Variants in FBXL7 observed in about 807,000 individuals in gnomAD.
FBXL7 encodes F-box/LRR-repeat protein 7.
In FBXL7, 12 loss-of-function variants were observed where a neutral mutation model predicts 38.3. That is an observed-to-expected ratio of 0.31 (90% CI 0.20 to 0.51). FBXL7 has a LOEUF of 0.51. FBXL7 is among the 20% of genes least tolerant of loss of function. The probability of loss-of-function intolerance (pLI) is 0.98; values close to 1 mark genes in which losing one functional copy is unlikely to be tolerated. For missense variants in FBXL7, 567 were observed against 676.4 expected (o/e 0.84, Z 1.79); for synonymous variants, 297 against 300.9 (o/e 0.99, Z 0.13).
chr5:15,934,913 G>A (rs1268719684), intron 3 of FBXL7, among the ~76,000 whole-genome samples: 1 of 152,098 alleles, frequency 6.6e-6, no homozygotes, highest in East Asian at 1.9e-4. Context: ...AAATAAATAA[G>A]TGAATAAATA....
chr5:15,858,196 G>A (rs966003579), intron 2 of FBXL7, among the ~76,000 whole-genome samples: 4 of 149,644 alleles, frequency 2.7e-5, no homozygotes, highest in African/African-American at 7.3e-5. Context: ...GGAGGAAAAA[G>A]TATATATATA....
chr5:15,814,406 A>G (rs964161954), intron 2 of FBXL7, among the ~76,000 whole-genome samples: 4 of 152,132 alleles, frequency 2.6e-5, no homozygotes, highest in African/African-American at 4.8e-5. Context: ...GGAAGGGAAC[A>G]TCGCACACTG....
chr5:15,866,842 C>A (rs1455371263), intron 2 of FBXL7, among the ~76,000 whole-genome samples: 1 of 152,110 alleles, frequency 6.6e-6, no homozygotes, highest in Non-Finnish European at 1.5e-5. Context: ...GACACAATTT[C>A]ATTCCTTTTT....
At chr5:15,874,221 C>T (rs984329847) in intron 2 of FBXL7, among the ~76,000 whole-genome samples, 1 of 152,114 alleles carries the variant, frequency 6.6e-6, no homozygotes, top group South Asian at 2.1e-4. Flanking sequence ...ATTCAACAGC[C>T]CTTCATGCTA....
intron 2 of FBXL7, among the ~76,000 whole-genome samples, chr5:15,739,831 C>T (rs1217992189): frequency 2.0e-5 from 3 of 152,056 alleles, no homozygotes; most frequent in South Asian, 2.1e-4. Context: ...ATTACTGCTA[C>T]GAACATTTGT....
chr5:15,857,742 A>C (rs1181092610), intron 2 of FBXL7, among the ~76,000 whole-genome samples: 1 of 152,234 alleles, frequency 6.6e-6, no homozygotes, highest in Non-Finnish European at 1.5e-5. Context: ...CAGAAAACAT[A>C]TTTGAGCTTA....
intron 1 of FBXL7, among the ~76,000 whole-genome samples, chr5:15,565,540 TTA>T (rs1178050510): frequency 1.3e-5 from 2 of 150,760 alleles, no homozygotes; most frequent in Non-Finnish European, 3.0e-5. Flanking sequence ...ATTATAATCT[TTA>T]TATATATAAA....
At position 15,778,168 on chromosome 5, in the gene FBXL7, A is replaced by G. The variant is rs186925748; in HGVS notation, c.128-149722A>G. On this transcript the variant is annotated intron_variant, in intron 2 of 3. Coordinates refer to ENST00000504595, the MANE Select transcript of FBXL7 (RefSeq NM_012304.5). Reference sequence around the variant, plus strand: ...TATCTAAGATGCTCAGAAAATGTATACTTTCTCTATAATAAGGTATCATCA... The same window carrying G: ...TATCTAAGATGCTCAGAAAATGTATGCTTTCTCTATAATAAGGTATCATCA... Among the ~76,000 whole-genome samples, 255 of 152,204 alleles carry G rather than the reference A, an allele frequency of 1.7e-3. 2 individuals carry two copies. Among genetic ancestry groups the G allele is most frequent in the African/African-American group, 5.4e-3 (226 of 41,548 alleles).
intron 2 of FBXL7, among the ~76,000 whole-genome samples, chr5:15,660,997 C>T (rs1436972442): frequency 6.6e-6 from 1 of 152,156 alleles, no homozygotes; most frequent in Admixed American, 6.5e-5. Context: ...GAGCATCTTG[C>T]TTTTGTCACT....
intron 2 of FBXL7, among the ~76,000 whole-genome samples, chr5:15,710,488 A>G (rs1028355633): frequency 3.9e-5 from 6 of 152,222 alleles, no homozygotes; most frequent in South Asian, 2.1e-4. Context: ...AGACTCATAC[A>G]TGCACATGCA....
At chr5:15,806,122 A>C (rs1205803850) in intron 2 of FBXL7, among the ~76,000 whole-genome samples, 1 of 152,222 alleles carries the variant, frequency 6.6e-6, no homozygotes, top group Admixed American at 6.5e-5. Context: ...AAAATGACTT[A>C]AACTACACAT....
At chr5:15,843,585 C>T (rs79749423) in intron 2 of FBXL7, among the ~76,000 whole-genome samples, 2,020 of 152,204 alleles carry the variant, frequency 0.013, 28 homozygotes, top group East Asian at 0.073. Flanking sequence ...AATAAATGTC[C>T]ATAAATTGCT....
At chr5:15,598,959 C>T (rs149081463) in intron 1 of FBXL7, among the ~76,000 whole-genome samples, 14 of 152,272 alleles carry the variant, frequency 9.2e-5, no homozygotes, top group African/African-American at 2.9e-4. Context: ...AGTGTACTCT[C>T]GTAGCTCCTC....
intron 2 of FBXL7, among the ~76,000 whole-genome samples, chr5:15,714,701 T>C (rs550388744): frequency 6.6e-6 from 1 of 151,858 alleles, no homozygotes; most frequent in Non-Finnish European, 1.5e-5. Flanking sequence ...TACAAAAAAT[T>C]AGCTGGGAAT....
intron 2 of FBXL7, among the ~76,000 whole-genome samples, chr5:15,639,504 GCTC>G (rs1741289679): frequency 6.6e-6 from 1 of 151,994 alleles, no homozygotes. Context: ...GATGTGACTT[GCTC>G]CTCCTTGCCT....
intron 2 of FBXL7, among the ~76,000 whole-genome samples, chr5:15,834,832 T>C (rs1300451864): frequency 6.6e-6 from 1 of 152,194 alleles, no homozygotes; most frequent in Admixed American, 6.6e-5. Context: ...AGTATGCAGA[T>C]TACAGAAGTG....
chr5:15,797,856 A>G (rs1375904135), intron 2 of FBXL7, among the ~76,000 whole-genome samples: 1 of 152,210 alleles, frequency 6.6e-6, no homozygotes, highest in Non-Finnish European at 1.5e-5. Flanking sequence ...TCCTGAAAGA[A>G]ATTATATGTT....
chr5:15,705,776 G>C (rs530585430), intron 2 of FBXL7, among the ~76,000 whole-genome samples: 1 of 151,962 alleles, frequency 6.6e-6, no homozygotes, highest in Non-Finnish European at 1.5e-5. Context: ...TAGTAAGATA[G>C]GTGTATTTCC....
intron 2 of FBXL7, among the ~76,000 whole-genome samples, chr5:15,774,731 T>TTTC (rs1736816694): frequency 6.6e-6 from 1 of 152,218 alleles, no homozygotes; most frequent in Non-Finnish European, 1.5e-5. Flanking sequence ...CACAAACTAA[T>TTTC]TTCAAAGTAG....
Sources: gnomAD v4.1 joint callset for allele counts (sites outside exome capture counted in the v4.1 genomes callset) on GRCh38, gnomAD v4.1.1 for gene constraint, MANE v1.5 for transcripts, NCBI Gene and HGNC (gene_info 2026-07-23, HGNC 2026-07-21) for gene names.